The following PCDH15 variants were observed in gnomAD, a reference collection of about 807,000 sequenced individuals.
PCDH15 encodes protocadherin-15.
PCDH15 carries 129 observed loss-of-function variants against 178.5 expected under a neutral mutation model. The observed-to-expected ratio is 0.72, with a 90% CI of 0.63 to 0.84. PCDH15 has a LOEUF of 0.84. Ranked by LOEUF, PCDH15 falls within the 40% of genes least tolerant of loss-of-function variation. The pLI is 0.00. For missense variants in PCDH15, 2,230 were observed against 2,099.9 expected (o/e 1.06, Z -1.21); for synonymous variants, 800 against 732.0 (o/e 1.09, Z -1.50).
At chr10:54,620,070 T>C (rs2093308812) in intron 2 of PCDH15, among the ~76,000 whole-genome samples, 1 of 152,088 alleles carries the variant, frequency 6.6e-6, no homozygotes, top group East Asian at 1.9e-4. Flanking sequence ...TTTAAAGATA[T>C]ATTGTTGATT....
chr10:55,287,040 T>C (rs1842889537), intron 1 of PCDH15, among the ~76,000 whole-genome samples: 1 of 151,966 alleles, frequency 6.6e-6, no homozygotes, highest in Non-Finnish European at 1.5e-5. Context: ...ACTCAAAAGC[T>C]TTATTTTTCA....
intron 3 of PCDH15, among the ~76,000 whole-genome samples, chr10:54,483,643 TAAAAG>T (rs1469383295): frequency 6.6e-6 from 1 of 151,852 alleles, no homozygotes; most frequent in African/African-American, 2.4e-5. Context: ...ACAAATGAAA[TAAAAG>T]AAACAGAAAA....
At chr10:54,292,166 C>T (rs2059458002) in intron 8 of PCDH15, among the ~76,000 whole-genome samples, 1 of 152,172 alleles carries the variant, frequency 6.6e-6, no homozygotes, top group East Asian at 1.9e-4. Flanking sequence ...GCTGGTTCAA[C>T]ATACACAAAT....
intron 2 of PCDH15, among the ~76,000 whole-genome samples, chr10:54,958,702 A>T (rs760213358): frequency 6.6e-6 from 1 of 151,780 alleles, no homozygotes; most frequent in Non-Finnish European, 1.5e-5. Context: ...GCTAGGAAAG[A>T]ATAAAGCCAA....
rs1565218251 is a variant in PCDH15 at position 55,520,330 on chromosome 10, A to ATATATATATATATATACACGCAATGTG, written c.-156+107294_-156+107295insCACATTGCGTGTATATATATATATATA. Among the ~76,000 whole-genome samples the ATATATATATATATATACACGCAATGTG allele has an allele frequency of 8.6e-4, 28 of 32,420 alleles. 7 individuals are homozygous for ATATATATATATATATACACGCAATGTG. The highest frequency in any genetic ancestry group is 5.7e-3 in the African/African-American group (27 of 4,696). The allele number at this position is 32,420 out of a possible 152,430, so 21.3% of individuals were successfully genotyped here. On this transcript the variant is annotated intron_variant, in intron 2 of 5. Coordinates refer to the PCDH15 transcript ENST00000613346. The stretch of plus-strand genomic sequence containing the variant: ...ATATATATATACATGCAATGTGTAT[A>ATATATATATATATATACACGCAATGTG]TATATATATATATATATATACACAT...
chr10:54,043,068 T>C (rs2093582942), intron 18 of PCDH15, among the ~76,000 whole-genome samples: 1 of 152,126 alleles, frequency 6.6e-6, no homozygotes, highest in African/African-American at 2.4e-5. Context: ...CATGATTCAT[T>C]TGAAGCCTTC....
At chr10:55,608,735 T>A (rs1443260851) in intron 2 of PCDH15, among the ~76,000 whole-genome samples, 1 of 151,972 alleles carries the variant, frequency 6.6e-6, no homozygotes, top group African/African-American at 2.4e-5. Flanking sequence ...CTGAGGGGTT[T>A]ACATAGCAGA....
At chr10:54,368,636 C>A (rs1235583628) in intron 5 of PCDH15, among the ~76,000 whole-genome samples, 1 of 151,958 alleles carries the variant, frequency 6.6e-6, no homozygotes, top group Non-Finnish European at 1.5e-5. Flanking sequence ...CAGCATTTTT[C>A]TATAAGAATT....
At chr10:55,220,923 GC>G (rs1840855290) in intron 1 of PCDH15, among the ~76,000 whole-genome samples, 1 of 151,726 alleles carries the variant, frequency 6.6e-6, no homozygotes, top group Non-Finnish European at 1.5e-5. Context: ...TTTATAATTA[GC>G]TTGTAAATTA....
At chr10:54,518,159 A>C (rs1035558422) in intron 3 of PCDH15, among the ~76,000 whole-genome samples, 1 of 152,208 alleles carries the variant, frequency 6.6e-6, no homozygotes, top group Non-Finnish European at 1.5e-5. Context: ...GAACTAGAAA[A>C]GCAAGAGCAA....
At chr10:54,782,426 C>A (rs1950453355) in intron 1 of PCDH15, among the ~76,000 whole-genome samples, 1 of 152,032 alleles carries the variant, frequency 6.6e-6, no homozygotes, top group Non-Finnish European at 1.5e-5. Flanking sequence ...CTATTGTTTT[C>A]CTGTCATCTG....
intron 1 of PCDH15, among the ~76,000 whole-genome samples, chr10:54,720,834 C>T (rs1591274061): frequency 6.6e-6 from 1 of 152,016 alleles, no homozygotes; most frequent in Non-Finnish European, 1.5e-5. Flanking sequence ...AGACTGATCA[C>T]TGAAGCAGAA....
At chr10:53,933,526 G>GC (rs1564804307) in intron 25 of PCDH15, among the ~76,000 whole-genome samples, 1 of 150,674 alleles carries the variant, frequency 6.6e-6, no homozygotes, top group East Asian at 2.0e-4. Context: ...TGGCTGTATA[G>GC]TATTCCATGG....
intron 2 of PCDH15, among the ~76,000 whole-genome samples, chr10:55,391,199 A>G (rs773909002): frequency 4.0e-5 from 6 of 151,832 alleles, no homozygotes; most frequent in Non-Finnish European, 7.4e-5. Context: ...TAGCTTCTAC[A>G]TCAGGACTTG....
intron 1 of PCDH15, among the ~76,000 whole-genome samples, chr10:54,791,932 T>C (rs1026997700): frequency 6.6e-6 from 1 of 152,004 alleles, no homozygotes; most frequent in Non-Finnish European, 1.5e-5. Context: ...AGACTTCTGA[T>C]TTCATTAAGA....
rs1406042709 is a variant in PCDH15 at position 53,807,017 on chromosome 10, G to T, written c.4785C>A (p.Ile1595=). The T allele has an allele frequency of 9.9e-6, 16 of 1,613,554 alleles. No homozygotes were observed. The highest frequency in any genetic ancestry group is 1.4e-5 in the Non-Finnish European group (16 of 1,179,772). The stretch of plus-strand genomic sequence containing the variant: ...ATATATTGCCGTTGATATTACTGTG[G>T]ATACTAGGATGGTGAAGACGGTTTC... ...CQRNRLHHPS[I]HSNINGNIYI... The change falls in exon 38 of 38, where the codon ATC becomes ATA. Residue 1595 remains isoleucine (I), a synonymous_variant. Coordinates refer to ENST00000644397, the MANE Select transcript of PCDH15 (RefSeq NM_001384140.1).
intron 10 of PCDH15, among the ~76,000 whole-genome samples, chr10:54,201,111 A>G (rs1358137690): frequency 6.6e-6 from 1 of 152,192 alleles, no homozygotes; most frequent in East Asian, 1.9e-4. Context: ...TACCGAAAAC[A>G]AGAAACTTGG....
intron 1 of PCDH15, among the ~76,000 whole-genome samples, chr10:55,301,360 A>G (rs914609961): frequency 6.6e-6 from 1 of 152,130 alleles, no homozygotes. Flanking sequence ...ATGGCTAATG[A>G]CATTTAATGT....
intron 18 of PCDH15, among the ~76,000 whole-genome samples, chr10:54,039,793 C>T (rs2093499901): frequency 6.6e-6 from 1 of 152,026 alleles, no homozygotes; most frequent in Non-Finnish European, 1.5e-5. Flanking sequence ...TTTTGGGACT[C>T]TGTTGCCTCT....
Sources: allele counts gnomAD v4.1 joint callset (sites outside exome capture counted in the v4.1 genomes callset), GRCh38; gene constraint gnomAD v4.1.1; transcripts MANE v1.5; gene names NCBI Gene and HGNC (gene_info 2026-07-23, HGNC 2026-07-21).